Variants in NPHP1 observed in about 807,000 individuals in gnomAD.
NPHP1 encodes the protein nephrocystin-1.
In NPHP1, 70 loss-of-function variants were observed where a neutral mutation model predicts 90.4. The observed-to-expected ratio is 0.77, with a 90% CI of 0.64 to 0.95. NPHP1 has a LOEUF of 0.95. Among genes scored for constraint, NPHP1 ranks in the 40% least tolerant of loss-of-function variants. NPHP1 has a pLI of 0.00. For missense variants in NPHP1, 764 were observed against 795.9 expected (o/e 0.96, Z 0.48); for synonymous variants, 256 against 271.7 (o/e 0.94, Z 0.57).
chr2:110,186,561 T>C (rs1342670133), intron 2 of NPHP1, among the ~76,000 whole-genome samples: 2 of 152,122 alleles, frequency 1.3e-5, no homozygotes, highest in Admixed American at 6.5e-5. Context: ...GGCCAGCCTG[T>C]CTTCACCGGC....
intron 11 of NPHP1, among the ~76,000 whole-genome samples, chr2:110,154,342 T>A (rs1681728303): frequency 1.3e-5 from 2 of 152,180 alleles, no homozygotes; most frequent in Admixed American, 1.3e-4. Flanking sequence ...GTCTCAGGTA[T>A]GTCTTTATCA....
chr2:110,131,261 C>A (rs576558663), intron 17 of NPHP1, among the ~76,000 whole-genome samples: 1 of 152,102 alleles, frequency 6.6e-6, no homozygotes, highest in Non-Finnish European at 1.5e-5. Context: ...TATCTGGATT[C>A]ACCAATTTAA....
chr2:110,151,458 G>C (rs1354915480), intron 11 of NPHP1, among the ~76,000 whole-genome samples: 2 of 152,036 alleles, frequency 1.3e-5, no homozygotes, highest in African/African-American at 4.8e-5. Context: ...CAAAGGAATG[G>C]ATAATAGTTA....
At chr2:110,141,984 A>G (rs997859206) in intron 16 of NPHP1, among the ~76,000 whole-genome samples, 11 of 151,444 alleles carry the variant, frequency 7.3e-5, no homozygotes, top group African/African-American at 1.9e-4. Context: ...AAAAAAAAAA[A>G]AAAAAGAAAG....
At chr2:110,165,218 C>T in intron 6 of NPHP1, 63 bp from the exon 7 acceptor site, 1 of 1,216,124 alleles carries the variant, frequency 8.2e-7, no homozygotes, top group South Asian at 1.2e-5. Flanking sequence ...AATAAAAATA[C>T]CAGTACTGCC....
At position 110,131,724 on chromosome 2, in the gene NPHP1, G is replaced by T. The variant is rs776530596; in HGVS notation, c.1597C>A (p.Leu533Ile). The T allele has an allele frequency of 5.0e-6, 8 of 1,613,428 alleles. No homozygotes were observed. The highest frequency in any genetic ancestry group is 6.8e-6 in the Non-Finnish European group (8 of 1,179,498). ...CTGTCTTTCAGGAGCACATCTCCAAGAATTTGTCGATAAAATATCAACAAG... is the reference window on the plus strand; with the variant it reads ...CTGTCTTTCAGGAGCACATCTCCAATAATTTGTCGATAAAATATCAACAAG... ...IHLLIFYRQI[L>I]GDVLLKDRMS... Residue 533 changes from leucine (L) to isoleucine (I), a missense_variant, in exon 17 of 20, where the codon CTT (leucine) becomes ATT (isoleucine). Leu to Ile is a conservative substitution (Grantham distance 5, BLOSUM62 2). Coordinates refer to ENST00000445609, the MANE Select transcript of NPHP1 (RefSeq NM_001128178.3).
chr2:110,190,678 G>A (rs578257039), intron 2 of NPHP1, among the ~76,000 whole-genome samples: 4 of 152,316 alleles, frequency 2.6e-5, no homozygotes, highest in East Asian at 1.9e-4. Context: ...CTCAAGTGCC[G>A]CCAAAGTGGG....
chr2:110,142,119 T>A (rs1284692004), intron 16 of NPHP1, among the ~76,000 whole-genome samples: 1 of 152,086 alleles, frequency 6.6e-6, no homozygotes, highest in East Asian at 1.9e-4. Flanking sequence ...GCAGAAAATT[T>A]GTACACAAAT....
At chr2:110,163,394 T>C in intron 8 of NPHP1, 1 of 469,300 alleles carries the variant, frequency 2.1e-6, no homozygotes, top group Non-Finnish European at 3.9e-6. Context: ...AGTATACCCT[T>C]ATCAAAATGT....
intron 11 of NPHP1, among the ~76,000 whole-genome samples, chr2:110,151,040 C>T (rs1018020971): frequency 6.6e-6 from 1 of 151,338 alleles, no homozygotes; most frequent in Admixed American, 6.6e-5. Context: ...GTGGTGTGTG[C>T]CTGTAATTCC....
intron 16 of NPHP1, 70 bp downstream of exon 16, chr2:110,143,472 C>CAAAAAA: frequency 9.3e-7 from 1 of 1,075,008 alleles, no homozygotes; most frequent in Non-Finnish European, 1.4e-6. Context: ...GAGGAAAAGC[C>CAAAAAA]AAAAGCAGAG....
intron 2 of NPHP1, among the ~76,000 whole-genome samples, chr2:110,189,632 T>G (rs1463380060): frequency 6.6e-6 from 1 of 152,142 alleles, no homozygotes; most frequent in Non-Finnish European, 1.5e-5. Flanking sequence ...TCCGGCAGCC[T>G]GCTTTTATTC....
At chr2:110,188,566 G>A (rs1196648764) in intron 2 of NPHP1, among the ~76,000 whole-genome samples, 7 of 152,098 alleles carry the variant, frequency 4.6e-5, no homozygotes, top group Non-Finnish European at 5.9e-5. Context: ...GAATCATATC[G>A]TGAAAATGGA....
At chr2:110,193,473 T>C (rs1341810025) in intron 2 of NPHP1, among the ~76,000 whole-genome samples, 2 of 152,090 alleles carry the variant, frequency 1.3e-5, no homozygotes, top group East Asian at 1.9e-4. Flanking sequence ...TAAATATATA[T>C]GCACCCAATA....
chr2:110,179,218 A>G (rs1683715212), intron 3 of NPHP1, among the ~76,000 whole-genome samples: 1 of 152,092 alleles, frequency 6.6e-6, no homozygotes, highest in African/African-American at 2.4e-5. Context: ...CTGCAGAGAC[A>G]TTGATATCAG....
At chr2:110,130,499 C>A (rs1431515694) in intron 17 of NPHP1, among the ~76,000 whole-genome samples, 1 of 152,126 alleles carries the variant, frequency 6.6e-6, no homozygotes, top group South Asian at 2.1e-4. Flanking sequence ...CCGTCCTCCC[C>A]CTTAGAGTTA....
rs1176983046 is a variant in NPHP1, at chr2:110,146,741, T to C, written c.1352+12A>G. Reference sequence around the variant, plus strand: ...GAAGTATTCATTCGTTAGGAATATATAGCCAACTTACTTTGCTGGAATAGG... The same window carrying C: ...GAAGTATTCATTCGTTAGGAATATACAGCCAACTTACTTTGCTGGAATAGG... On this transcript the variant is annotated intron_variant, in intron 14 of 19. Coordinates refer to ENST00000445609, the MANE Select transcript of NPHP1 (RefSeq NM_001128178.3). The C allele has an allele frequency of 3.1e-6, 5 of 1,592,206 alleles. No individual in the cohort carries two copies. Among genetic ancestry groups the C allele is most frequent in the South Asian group, 2.2e-5 (2 of 90,702 alleles).
intron 12 of NPHP1, 62 bp from the exon 13 acceptor site, chr2:110,148,088 T>A: frequency 9.5e-7 from 1 of 1,052,726 alleles, no homozygotes; most frequent in Non-Finnish European, 1.5e-6. Flanking sequence ...GGGTTTGATG[T>A]GGTTTGAATA....
intron 2 of NPHP1, among the ~76,000 whole-genome samples, chr2:110,200,311 C>G (rs1685486621): frequency 6.6e-6 from 1 of 151,854 alleles, no homozygotes; most frequent in Non-Finnish European, 1.5e-5. Flanking sequence ...CACCTATAAT[C>G]CCAGCACTTT....
Sources: allele counts gnomAD v4.1 joint callset (sites outside exome capture counted in the v4.1 genomes callset), GRCh38; gene constraint gnomAD v4.1.1; transcripts MANE v1.5; gene names NCBI Gene and HGNC (gene_info 2026-07-23, HGNC 2026-07-21).